SUSD5: variants seen among roughly 807,000 people sequenced by gnomAD.
The protein encoded by SUSD5 is sushi domain containing 5.
A neutral mutation model predicts 29.5 loss-of-function variants in SUSD5; 33 were observed. The observed-to-expected ratio is 1.12, with a 90% CI of 0.85 to 1.49. The LOEUF is 1.49. Ranked by LOEUF, SUSD5 falls within the 40% of genes most tolerant of loss-of-function variation. The pLI is 0.00. For synonymous variants in SUSD5, 308 were observed against 325.3 expected, an observed-to-expected ratio of 0.95 and a Z score of 0.57; for missense variants, 776 against 800.6, an observed-to-expected ratio of 0.97 and a Z score of 0.37.
At chr3:33,208,685 C>T (rs1052971627) in intron 2 of SUSD5, among the ~76,000 whole-genome samples, 2 of 151,778 alleles carry the variant, frequency 1.3e-5, no homozygotes, top group Non-Finnish European at 1.5e-5. Context: ...GTTAAATATC[C>T]TTTCTCTATT....
intron 4 of SUSD5, among the ~76,000 whole-genome samples, chr3:33,164,048 C>A (rs563645464): frequency 4.0e-4 from 61 of 152,002 alleles, no homozygotes; most frequent in Non-Finnish European, 7.2e-4. Context: ...GTTGCAACTG[C>A]CTGTAATCCC....
Position 33,189,894 on chromosome 3 carries a change from T to C in SUSD5, c.410-14820A>G, listed in dbSNP as rs553581900. Reference sequence around the variant, plus strand: ...TTAAATATATTCCCATAACCAGTTATATAAATCTATATATAAAACCAATCT... The same window carrying C: ...TTAAATATATTCCCATAACCAGTTACATAAATCTATATATAAAACCAATCT... On this transcript the variant is annotated intron_variant, in intron 3 of 4. Transcript: ENST00000309558. Among the ~76,000 whole-genome samples the C allele has an allele frequency of 2.4e-4, 37 of 152,352 alleles. No homozygotes were observed. In the South Asian group the frequency reaches 7.2e-3, roughly 30 times the overall value.
At chr3:33,175,203 T>C (rs2125620841) in intron 3 of SUSD5, 129 bp from the exon 4 acceptor site, 1 of 1,002,064 alleles carries the variant, frequency 1.0e-6, no homozygotes, top group African/African-American at 1.6e-5. Context: ...ACAGGGGCTG[T>C]TTCTTGGTCA....
At chr3:33,198,955 T>C (rs894125725) in intron 3 of SUSD5, among the ~76,000 whole-genome samples, 2 of 152,008 alleles carry the variant, frequency 1.3e-5, no homozygotes, top group African/African-American at 2.4e-5. Flanking sequence ...ACCCAAAATA[T>C]TGAAGAAGGC....
chr3:33,158,348 C>T (rs115415388), intron 4 of SUSD5, among the ~76,000 whole-genome samples: 222 of 152,318 alleles, frequency 1.5e-3, no homozygotes, highest in African/African-American at 2.7e-3. Context: ...GCACCACATA[C>T]GTGCACACAA....
intron 3 of SUSD5, among the ~76,000 whole-genome samples, chr3:33,201,997 C>T (rs889166961): frequency 6.6e-6 from 1 of 151,968 alleles, no homozygotes; most frequent in African/African-American, 2.4e-5. Context: ...CGTGATACAC[C>T]GTTAACTCCT....
intron 3 of SUSD5, among the ~76,000 whole-genome samples, chr3:33,201,352 C>T (rs2032113369): frequency 6.6e-6 from 1 of 152,246 alleles, no homozygotes; most frequent in Non-Finnish European, 1.5e-5. Flanking sequence ...CCTGACCACA[C>T]GGACAGGTCC....
chr3:33,200,734 G>A (rs1315162020), intron 3 of SUSD5, among the ~76,000 whole-genome samples: 1 of 152,222 alleles, frequency 6.6e-6, no homozygotes. Flanking sequence ...ATTTTGATGA[G>A]GTCTCAGATG....
intron 3 of SUSD5, among the ~76,000 whole-genome samples, chr3:33,206,498 G>A (rs1373203817): frequency 1.3e-5 from 2 of 150,740 alleles, no homozygotes; most frequent in Non-Finnish European, 3.0e-5. Context: ...GCTCTCCCTG[G>A]ATTTTTTGAA....
chr3:33,208,974 CA>C (rs2032272493), intron 2 of SUSD5, among the ~76,000 whole-genome samples: 1 of 152,142 alleles, frequency 6.6e-6, no homozygotes, highest in Non-Finnish European at 1.5e-5. Context: ...GCCTGAAGAG[CA>C]CTTGTTAGTG....
In SUSD5 at chr3:33,207,892, G is replaced by A. The variant is rs754117908; in HGVS notation, c.325C>T (p.Gln109Ter). Residue 109 changes from glutamine to a stop codon, truncating the protein, a stop_gained, in exon 3 of 5, where the codon CAA becomes TAA. Coordinates refer to ENST00000309558, the MANE Select transcript of SUSD5 (RefSeq NM_015551.2). LOFTEE classifies it high-confidence loss of function. ...TVCSKGSGEQ[Q>*]IMRAVDVRIE... ...CTCACATCGACAGCTCTCATGATTT[G>A]CTGTTCTCCACTTCCTTTGCTACAC... 6.2e-7 allele frequency: 1 copy of A among 1,613,906 alleles called. No individual in the cohort carries two copies. The highest frequency in any genetic ancestry group is 1.7e-5 in the Admixed American group (1 of 60,020).
At chr3:33,218,321 G>T (rs1468683287) in intron 1 of SUSD5, among the ~76,000 whole-genome samples, 1 of 152,206 alleles carries the variant, frequency 6.6e-6, no homozygotes, top group African/African-American at 2.4e-5. Context: ...ATTAATAGAC[G>T]TTGAGAAACT....
intron 4 of SUSD5, among the ~76,000 whole-genome samples, chr3:33,169,240 A>G (rs1009602095): frequency 1.9e-4 from 29 of 151,310 alleles, no homozygotes; most frequent in African/African-American, 6.8e-4. Flanking sequence ...TTTTTTTTGG[A>G]ACGAAGTTTC....
At chr3:33,216,413 C>T (rs755781671) in intron 1 of SUSD5, among the ~76,000 whole-genome samples, 8 of 152,100 alleles carry the variant, frequency 5.3e-5, no homozygotes, top group African/African-American at 1.9e-4. Context: ...AGCCCTCACC[C>T]GCAGAAACCC....
chr3:33,150,813 AT>A lies in SUSD5; in HGVS notation c.*1928del, dbSNP rs1439790337. 1.3e-5 allele frequency: 2 copies of A among 152,150 alleles called. No individual in the cohort carries two copies. The highest frequency in any genetic ancestry group is 4.8e-5 in the African/African-American group (2 of 41,434). 9.4% of individuals were successfully genotyped at this position (152,150 alleles called of 1,614,324 possible). ...TTCCTTAGGTAAAACACCACCAACA[AT>A]TTTTCAATCATAAAAAAGATCAGGA... On this transcript the variant is annotated 3_prime_UTR_variant, in exon 5 of 5. Transcript: ENST00000309558.
Position 33,153,671 on chromosome 3 carries a change from C to T in SUSD5, c.961G>A (p.Gly321Arg), listed in dbSNP as rs1290824119. 6.2e-7 allele frequency: 1 copy of T among 1,614,014 alleles called. No individual in the cohort carries two copies. The highest frequency in any genetic ancestry group is 1.7e-5 in the Admixed American group (1 of 60,030). ...DDDTKKQFSA[G>R]DNHSGVKLVP... ...AATTTTACACCACTGTGGTTGTCTC[C>T]AGCAGAAAACTGCTTTTTGGTGTCA... The change falls in exon 5 of 5, where the codon GGA becomes AGA. Residue 321 changes from glycine to arginine, a missense_variant. By Grantham distance (125) the Gly-to-Arg change is moderately radical. Transcript: ENST00000309558.
chr3:33,182,080 T>C (rs552495415), intron 3 of SUSD5, among the ~76,000 whole-genome samples: 1 of 152,374 alleles, frequency 6.6e-6, no homozygotes, highest in African/African-American at 2.4e-5. Context: ...TTCACTGCTA[T>C]AAGTTTGCCT....
chr3:33,174,252 G>A (rs898682124), intron 4 of SUSD5, among the ~76,000 whole-genome samples: 1 of 152,082 alleles, frequency 6.6e-6, no homozygotes, highest in South Asian at 2.1e-4. Flanking sequence ...CCTGGAGTTC[G>A]TCTCCTCGCT....
intron 3 of SUSD5, among the ~76,000 whole-genome samples, chr3:33,191,340 C>G (rs901062821): frequency 6.6e-6 from 1 of 152,006 alleles, no homozygotes; most frequent in Non-Finnish European, 1.5e-5. Flanking sequence ...CCGTGTTAGC[C>G]AGGATGGTCT....
Sources: gnomAD v4.1 joint callset for allele counts (sites outside exome capture counted in the v4.1 genomes callset) on GRCh38, gnomAD v4.1.1 for gene constraint, MANE v1.5 for transcripts, NCBI Gene and HGNC (gene_info 2026-07-23, HGNC 2026-07-21) for gene names.